Variants in ERC2 observed in about 807,000 individuals in gnomAD.
The protein encoded by ERC2 is ELKS/RAB6-interacting/CAST family member 2.
ERC2 carries 42 observed loss-of-function variants against 114.8 expected under a neutral mutation model. That is an observed-to-expected ratio of 0.37 (90% CI 0.29 to 0.47). The LOEUF is 0.47. Among genes scored for constraint, ERC2 ranks in the 20% least tolerant of loss-of-function variants. The probability of loss-of-function intolerance (pLI) is 0.99; values close to 1 mark genes in which losing one functional copy is unlikely to be tolerated. For missense variants in ERC2, 939 were observed against 1,150.7 expected (o/e 0.82, Z 2.66); for synonymous variants, 454 against 425.5 (o/e 1.07, Z -0.82).
chr3:56,135,196 C>A (rs987175595), intron 6 of ERC2, among the ~76,000 whole-genome samples: 1 of 151,944 alleles, frequency 6.6e-6, no homozygotes, highest in Non-Finnish European at 1.5e-5. Flanking sequence ...TAAGTGATCC[C>A]CCTGCCTCGG....
At chr3:55,899,669 C>T (rs1327762896) in intron 13 of ERC2, among the ~76,000 whole-genome samples, 1 of 152,044 alleles carries the variant, frequency 6.6e-6, no homozygotes, top group Non-Finnish European at 1.5e-5. Context: ...GTGAGGAAAG[C>T]AGGTGGTAAA....
At chr3:56,078,661 C>A (rs1200181041) in intron 7 of ERC2, among the ~76,000 whole-genome samples, 1 of 152,116 alleles carries the variant, frequency 6.6e-6, no homozygotes, top group Non-Finnish European at 1.5e-5. Context: ...GAGCATGTAA[C>A]ATAACCTTGG....
intron 2 of ERC2, among the ~76,000 whole-genome samples, chr3:56,353,718 T>C (rs1464061424): frequency 6.6e-6 from 1 of 150,420 alleles, no homozygotes; most frequent in Non-Finnish European, 1.5e-5. Flanking sequence ...GATGAGTTAA[T>C]GGGTGCAGCA....
At chr3:56,232,397 G>A (rs549236102) in intron 3 of ERC2, among the ~76,000 whole-genome samples, 3 of 152,094 alleles carry the variant, frequency 2.0e-5, no homozygotes, top group Non-Finnish European at 4.4e-5. Flanking sequence ...AAGGAGAATA[G>A]TTTTGGGACA....
At chr3:55,567,020 G>GTA (rs150871217) in intron 17 of ERC2, among the ~76,000 whole-genome samples, 330 of 150,644 alleles carry the variant, frequency 2.2e-3, no homozygotes, top group East Asian at 5.4e-3. Flanking sequence ...TTTTCAAAAT[G>GTA]TATATATATA....
intron 3 of ERC2, among the ~76,000 whole-genome samples, chr3:56,190,345 G>C (rs1329485696): frequency 1.3e-5 from 2 of 152,210 alleles, no homozygotes; most frequent in Non-Finnish European, 2.9e-5. Flanking sequence ...CCACCTCATT[G>C]AGTTGTGAGA....
intron 8 of ERC2, among the ~76,000 whole-genome samples, chr3:56,011,820 G>T (rs1032932748): frequency 6.6e-6 from 1 of 152,092 alleles, no homozygotes; most frequent in African/African-American, 2.4e-5. Context: ...GCAAGACAAT[G>T]CCTGATAAAT....
At chr3:55,877,500 TA>T (rs1390725268) in intron 14 of ERC2, among the ~76,000 whole-genome samples, 3 of 150,396 alleles carry the variant, frequency 2.0e-5, no homozygotes, top group Non-Finnish European at 2.9e-5. Flanking sequence ...TCTCTTTTTT[TA>T]ATTTTTATTT....
chr3:56,381,096 T>G (rs2059731280), intron 2 of ERC2, among the ~76,000 whole-genome samples: 1 of 152,208 alleles, frequency 6.6e-6, no homozygotes, highest in Admixed American at 6.5e-5. Flanking sequence ...TTGCATTATT[T>G]GATTATGCCA....
At chr3:56,185,506 C>T (rs1341271902) in intron 3 of ERC2, among the ~76,000 whole-genome samples, 2 of 152,156 alleles carry the variant, frequency 1.3e-5, no homozygotes, top group African/African-American at 4.8e-5. Context: ...CTCATCCATA[C>T]ATAAGCGATT....
chr3:56,345,527 G>A (rs114599756), intron 2 of ERC2, among the ~76,000 whole-genome samples: 1,749 of 152,292 alleles, frequency 0.011, 10 homozygotes, highest in Non-Finnish European at 0.019. Context: ...AAGAGAAAAC[G>A]TCACTGGGGG....
intron 3 of ERC2, among the ~76,000 whole-genome samples, chr3:56,232,613 A>T (rs958611248): frequency 1.3e-5 from 2 of 152,234 alleles, no homozygotes; most frequent in African/African-American, 4.8e-5. Context: ...TACAGAGATA[A>T]AATGCTCAAC....
intron 14 of ERC2, among the ~76,000 whole-genome samples, chr3:55,750,701 C>G (rs1354006761): frequency 6.6e-6 from 1 of 152,164 alleles, no homozygotes; most frequent in Non-Finnish European, 1.5e-5. Flanking sequence ...ATGCCTGTTC[C>G]TAGTTGCATA....
intron 3 of ERC2, among the ~76,000 whole-genome samples, chr3:56,182,142 G>A (rs1208959317): frequency 6.6e-6 from 1 of 152,170 alleles, no homozygotes; most frequent in Non-Finnish European, 1.5e-5. Context: ...TGACCCTCTA[G>A]ACTAGTCTAA....
chr3:55,899,316 C>T (rs2064002013), intron 13 of ERC2, among the ~76,000 whole-genome samples: 1 of 152,014 alleles, frequency 6.6e-6, no homozygotes, highest in Admixed American at 6.6e-5. Flanking sequence ...GGGATTTTCC[C>T]AGACGAATTT....
intron 17 of ERC2, among the ~76,000 whole-genome samples, chr3:55,628,696 AAAG>A (rs538146143): frequency 8.5e-4 from 129 of 152,338 alleles, no homozygotes; most frequent in African/African-American, 2.9e-3. Context: ...GTCATTGAAA[AAAG>A]AAGATGAAAA....
chr3:55,522,686 G>A (rs1256403401), intron 17 of ERC2, among the ~76,000 whole-genome samples: 2 of 152,160 alleles, frequency 1.3e-5, no homozygotes, highest in African/African-American at 2.4e-5. Context: ...TGCCCTTGTA[G>A]GTCTGCATGA....
chr3:56,246,238 G>T (rs897546014), intron 3 of ERC2, among the ~76,000 whole-genome samples: 1 of 151,806 alleles, frequency 6.6e-6, no homozygotes, highest in Non-Finnish European at 1.5e-5. Context: ...TCCCAACCTC[G>T]ACATCATTGA....
chr3:55,683,233 C>T (rs995816892), intron 17 of ERC2, among the ~76,000 whole-genome samples: 10 of 152,232 alleles, frequency 6.6e-5, no homozygotes, highest in Admixed American at 5.9e-4. Flanking sequence ...TTCACCATTA[C>T]TATGCCTTGA....
Sources: gnomAD v4.1 joint callset for allele counts (sites outside exome capture counted in the v4.1 genomes callset) on GRCh38, gnomAD v4.1.1 for gene constraint, MANE v1.5 for transcripts, NCBI Gene and HGNC (gene_info 2026-07-23, HGNC 2026-07-21) for gene names.